Variants in TACC1 observed in about 807,000 individuals in gnomAD.
TACC1 encodes the protein transforming acidic coiled-coil-containing protein 1.
A neutral mutation model predicts 84.4 loss-of-function variants in TACC1; 48 were observed. The observed-to-expected ratio is 0.57, with a 90% CI of 0.45 to 0.72. The LOEUF (loss-of-function observed/expected upper bound fraction) is 0.72, where lower values mean the gene tolerates loss of function less well. Ranked by LOEUF, TACC1 falls within the 30% of genes least tolerant of loss-of-function variation. The pLI, the probability that TACC1 is intolerant of heterozygous loss-of-function variation, is 0.00. For synonymous variants in TACC1, 372 were observed against 376.3 expected (o/e 0.99, Z 0.13); for missense variants, 920 against 973.0 (o/e 0.95, Z 0.72).
At chr8:38,836,918 T>A (rs1301880111) in intron 7 of TACC1, among the ~76,000 whole-genome samples, 1 of 152,146 alleles carries the variant, frequency 6.6e-6, no homozygotes, top group African/African-American at 2.4e-5. Context: ...TGTGGCAATT[T>A]TATTTTTATA....
upstream of TACC1, chr8:38,787,210 T>TGCGC: frequency 1.0e-6 from 1 of 992,140 alleles, no homozygotes; most frequent in Non-Finnish European, 1.2e-6. Flanking sequence ...CGGCAGCTGA[T>TGCGC]GCGCGCCCCG....
intron 6 of TACC1, 128 bp from the exon 7 acceptor site, chr8:38,836,034 C>T (rs1830156482): frequency 2.3e-6 from 3 of 1,289,832 alleles, no homozygotes; most frequent in Non-Finnish European, 3.1e-6. Context: ...AAAGCTTCCC[C>T]CCGCTGACTT....
At chr8:38,798,856 C>T (rs796419298) in intron 2 of TACC1, among the ~76,000 whole-genome samples, 3 of 152,074 alleles carry the variant, frequency 2.0e-5, no homozygotes, top group South Asian at 4.1e-4. Flanking sequence ...GCCTATTGTA[C>T]GGTTGTTCCA....
chr8:38,730,983 A>G (rs183726975), intron 1 of TACC1, among the ~76,000 whole-genome samples: 1 of 152,104 alleles, frequency 6.6e-6, no homozygotes, highest in Admixed American at 6.6e-5. Flanking sequence ...GTGCAGTGGT[A>G]CAGTCCTAGT....
chr8:38,787,104 G>T, upstream of TACC1: 2 of 979,824 alleles, frequency 2.0e-6, no homozygotes, highest in Non-Finnish European at 2.4e-6. Flanking sequence ...TCCGGCGGGC[G>T]CGCGGCCGTC....
At chr8:38,750,265 T>C (rs1808791573) in intron 3 of TACC1, among the ~76,000 whole-genome samples, 1 of 152,222 alleles carries the variant, frequency 6.6e-6, no homozygotes, top group South Asian at 2.1e-4. Context: ...ATTCAACTCC[T>C]TTTTATCATT....
At chr8:38,748,622 T>G (rs1188176058) in intron 3 of TACC1, among the ~76,000 whole-genome samples, 1 of 152,096 alleles carries the variant, frequency 6.6e-6, no homozygotes, top group Non-Finnish European at 1.5e-5. Flanking sequence ...GAAATTAAAT[T>G]GGAAACCAAA....
At chr8:38,753,334 G>T (rs563878816) in intron 3 of TACC1, among the ~76,000 whole-genome samples, 1 of 152,142 alleles carries the variant, frequency 6.6e-6, no homozygotes, top group African/African-American at 2.4e-5. Context: ...AAACTTCTGG[G>T]CTCAAGAGAT....
rs541243788 is a variant in TACC1 at position 38,837,605 on chromosome 8, G to T, written c.1840-865G>T. 2.0e-5 allele frequency among the ~76,000 whole-genome samples: 3 copies of T among 152,242 alleles called. No homozygotes were observed. In the East Asian group the frequency reaches 5.8e-4, roughly 29 times the overall value. ...TGTCCCTGGCCAAAATCTTGTAAATGAGAAAAATGACTTGATGTTTTTCCT... is the reference window on the plus strand; with the variant it reads ...TGTCCCTGGCCAAAATCTTGTAAATTAGAAAAATGACTTGATGTTTTTCCT... On this transcript the variant is annotated intron_variant, in intron 7 of 12. Coordinates refer to ENST00000317827, the MANE Select transcript of TACC1 (RefSeq NM_006283.3).
At chr8:38,757,272 T>A in intron 3 of TACC1, 1 of 1,203,118 alleles carries the variant, frequency 8.3e-7, no homozygotes, top group Non-Finnish European at 1.1e-6. Context: ...GCCCAGGGTC[T>A]GGGCACAGCC....
intron 2 of TACC1, among the ~76,000 whole-genome samples, chr8:38,813,593 C>T (rs936792944): frequency 1.1e-4 from 16 of 152,178 alleles, no homozygotes; most frequent in Middle Eastern, 3.2e-3. Flanking sequence ...TATTGAGTTG[C>T]AATCACATGT....
At chr8:38,765,886 T>TTA (rs1554500691) in intron 3 of TACC1, among the ~76,000 whole-genome samples, 1 of 152,026 alleles carries the variant, frequency 6.6e-6, no homozygotes, top group Non-Finnish European at 1.5e-5. Flanking sequence ...ATTTTTTTTT[T>TTA]ACCAGCCTAG....
At chr8:38,769,309 G>T (rs1812970906) in intron 3 of TACC1, among the ~76,000 whole-genome samples, 1 of 141,138 alleles carries the variant, frequency 7.1e-6, no homozygotes, top group African/African-American at 2.7e-5. Context: ...TGTGTATGGT[G>T]GGGGGTGTGT....
At chr8:38,802,907 C>T (rs960321946) in intron 2 of TACC1, among the ~76,000 whole-genome samples, 1 of 152,194 alleles carries the variant, frequency 6.6e-6, no homozygotes, top group East Asian at 1.9e-4. Context: ...GACCCAGACA[C>T]CTCCCACTAG....
rs903484759 is a variant in TACC1 at position 38,819,925 on chromosome 8, A to C, written c.681A>C (p.Arg227Ser). 2.5e-5 allele frequency: 41 copies of C among 1,614,044 alleles called. No homozygotes were observed. The highest frequency in any genetic ancestry group is 1.0e-4 in the Admixed American group (6 of 60,008). Residue 227 changes from arginine to serine, a missense_variant, in exon 3 of 13, where the codon AGA (arginine) becomes AGC (serine). Around this residue, in one of 2 missense-constraint regions of TACC1, gnomAD observed 762 missense variants for 747.3 expected, o/e 1.02. Coordinates refer to ENST00000317827, the MANE Select transcript of TACC1 (RefSeq NM_006283.3). ...NSCPELVPSR[R>S]SKLRKPKPVP... ...GTCCAGAGCTTGTGCCCAGCAGAAG[A>C]AGCAAGCTGAGAAAGCCCAAGCCTG... is the stretch of plus-strand genomic sequence containing the variant.
rs116932660 is a variant in TACC1 at position 38,828,321 on chromosome 8, A to G, written c.1660+946A>G. ...GTCACTTGGCTAGGGTAGGACAGAA[A>G]AGTGGTATCTTTTTCCTCACCACAA... is the stretch of plus-strand genomic sequence containing the variant. On this transcript the variant is annotated intron_variant, in intron 5 of 12. Transcript: ENST00000317827. Among the ~76,000 whole-genome samples, 177 of 152,344 alleles carry G rather than the reference A, an allele frequency of 1.2e-3. 3 individuals carry two copies. The East Asian group carries it at 0.023, about 20-fold the overall frequency.
chr8:38,835,950 G>T (rs1830139152), intron 6 of TACC1, among the ~76,000 whole-genome samples: 1 of 152,222 alleles, frequency 6.6e-6, no homozygotes, highest in South Asian at 2.1e-4. Context: ...CTGCTCAACA[G>T]AAGCTAAGAC....
intron 4 of TACC1, among the ~76,000 whole-genome samples, chr8:38,826,225 G>C (rs1262234909): frequency 1.3e-5 from 2 of 152,080 alleles, no homozygotes; most frequent in Non-Finnish European, 2.9e-5. Context: ...TTTACAATCT[G>C]AGTTATTTTT....
chr8:38,774,072 C>T (rs1235862424), intron 3 of TACC1, among the ~76,000 whole-genome samples: 3 of 152,164 alleles, frequency 2.0e-5, no homozygotes, highest in African/African-American at 7.2e-5. Context: ...TCTTCAACCA[C>T]GCTTACTCAA....
Sources: gnomAD v4.1 joint callset for allele counts (sites outside exome capture counted in the v4.1 genomes callset) on GRCh38, gnomAD v4.1.1 for gene constraint, gnomAD v4.1.1 regional missense constraint, MANE v1.5 for transcripts, NCBI Gene and HGNC (gene_info 2026-07-23, HGNC 2026-07-21) for gene names.